HMGCLL1: variants seen among roughly 807,000 people sequenced by gnomAD.
HMGCLL1 encodes the protein 3-hydroxymethyl-3-methylglutaryl-CoA lyase, cytoplasmic.
HMGCLL1 carries 36 observed loss-of-function variants against 39.1 expected under a neutral mutation model. The ratio of observed to expected loss-of-function variants is 0.92; its 90% CI spans 0.71 to 1.22. HMGCLL1 has a LOEUF of 1.22. Among genes scored for constraint, HMGCLL1 ranks in the 50% most tolerant of loss-of-function variants. The pLI is 0.00. For missense variants in HMGCLL1, 451 were observed against 416.5 expected, an observed-to-expected ratio of 1.08 and a Z score of -0.72; for synonymous variants, 149 against 144.0, an observed-to-expected ratio of 1.03 and a Z score of -0.25.
chr6:55,630,989 C>T, the HMGCLL1 span, among the ~76,000 whole-genome samples: 4 of 151,992 alleles, frequency 2.6e-5, no homozygotes, highest in Non-Finnish European at 5.9e-5. Context: ...GAATCCTTTC[C>T]TTATCCTTGA....
chr6:55,659,245 C>T, the HMGCLL1 span, among the ~76,000 whole-genome samples: 1 of 151,830 alleles, frequency 6.6e-6, no homozygotes, highest in East Asian at 1.9e-4. Flanking sequence ...AAGCAAAAAA[C>T]CCCAGAAAAT....
At chr6:55,590,435 A>G in the HMGCLL1 span, among the ~76,000 whole-genome samples, 1 of 152,178 alleles carries the variant, frequency 6.6e-6, no homozygotes, top group Non-Finnish European at 1.5e-5. Context: ...TTAGACCTAA[A>G]ACCATAAAAG....
chr6:55,608,946 G>C, the HMGCLL1 span, among the ~76,000 whole-genome samples: 1 of 152,202 alleles, frequency 6.6e-6, no homozygotes, highest in Non-Finnish European at 1.5e-5. Context: ...GAGCAAGGTG[G>C]TGCGTGAGCC....
At position 55,487,211 on chromosome 6, in the gene HMGCLL1, T is replaced by A. The variant is rs146232644; in HGVS notation, c.795+8208A>T. ...TTCAGACCTTTTGTACTTTTTTTTT[T>A]ACAATTTGTGTGCCTTTTATTTATT... is the stretch of plus-strand genomic sequence containing the variant. On this transcript the variant is annotated intron_variant, in intron 7 of 8. Coordinates refer to ENST00000274901, the MANE Select transcript of HMGCLL1 (RefSeq NM_001042406.2). 5.8e-3 allele frequency among the ~76,000 whole-genome samples: 882 copies of A among 152,188 alleles called. 9 individuals carry two copies. The highest frequency in any genetic ancestry group is 0.019 in the African/African-American group (793 of 41,526).
the HMGCLL1 span, among the ~76,000 whole-genome samples, chr6:55,641,875 T>TA: frequency 9.5e-6 from 1 of 104,802 alleles, no homozygotes; most frequent in Non-Finnish European, 2.0e-5. Context: ...AATTTTTTTT[T>TA]ATTTTTATTT....
chr6:55,585,204 C>T, the HMGCLL1 span, among the ~76,000 whole-genome samples: 2 of 152,060 alleles, frequency 1.3e-5, no homozygotes, highest in Non-Finnish European at 2.9e-5. Context: ...TGATGAGTAC[C>T]TGGCAGCAAA....
At chr6:55,611,910 C>G in the HMGCLL1 span, among the ~76,000 whole-genome samples, 4 of 152,030 alleles carry the variant, frequency 2.6e-5, no homozygotes, top group African/African-American at 9.7e-5. Context: ...AAGGATGCCC[C>G]CTCTCACCAC....
the HMGCLL1 span, among the ~76,000 whole-genome samples, chr6:55,626,342 C>T: frequency 6.6e-6 from 1 of 152,110 alleles, no homozygotes; most frequent in Non-Finnish European, 1.5e-5. Context: ...AGCGCACTCA[C>T]TTTATGGCTA....
intron 3 of HMGCLL1, among the ~76,000 whole-genome samples, chr6:55,523,275 T>A (rs2127443133): frequency 6.6e-6 from 1 of 152,054 alleles, no homozygotes; most frequent in African/African-American, 2.4e-5. Flanking sequence ...AAGTCCTAGG[T>A]AAACAAGGAA....
At chr6:55,608,644 G>GAA in the HMGCLL1 span, among the ~76,000 whole-genome samples, 5 of 152,016 alleles carry the variant, frequency 3.3e-5, no homozygotes, top group Non-Finnish European at 7.4e-5. Flanking sequence ...TGAAAATTAA[G>GAA]AAAAAAGAAC....
At chr6:55,436,658 T>G (rs116678650) in intron 8 of HMGCLL1, among the ~76,000 whole-genome samples, 2,380 of 152,158 alleles carry the variant, frequency 0.016, 41 homozygotes, top group Non-Finnish European at 0.027. Flanking sequence ...TCCTTGCTAT[T>G]ATAAAGTACT....
chr6:55,439,179 T>G (rs759791015), intron 8 of HMGCLL1, among the ~76,000 whole-genome samples: 1 of 152,064 alleles, frequency 6.6e-6, no homozygotes, highest in Non-Finnish European at 1.5e-5. Context: ...AGATAATACA[T>G]GAAAAAGTTC....
At position 55,578,998 on chromosome 6, in the gene HMGCLL1, C is replaced by G; in HGVS notation, c.58G>C (p.Glu20Gln). The G allele has an allele frequency of 6.2e-7, 1 of 1,613,770 alleles. No individual in the cohort carries two copies. The highest frequency in any genetic ancestry group is 1.3e-5 in the African/African-American group (1 of 75,054). ...HCLSYQQLLR[E>Q]HLWIGDSVAG... ...ACTGAATCCCCGATCCAGAGATGCT[C>G]CCGGAGAAGCTGCTGGTAGCTGAGG... is the stretch of plus-strand genomic sequence containing the variant. The change falls in exon 1 of 9, where the codon GAG (glutamate) becomes CAG (glutamine). Residue 20 changes from glutamate to glutamine, a missense_variant. By Grantham distance (29) the Glu-to-Gln change is conservative. Coordinates refer to ENST00000274901, the MANE Select transcript of HMGCLL1 (RefSeq NM_001042406.2).
the HMGCLL1 span, among the ~76,000 whole-genome samples, chr6:55,669,000 C>A: frequency 6.6e-6 from 1 of 151,446 alleles, no homozygotes; most frequent in Non-Finnish European, 1.5e-5. Context: ...GTCCTCCTAC[C>A]ACATGGCCTC....
chr6:55,474,182 G>A (rs934388023), intron 7 of HMGCLL1, among the ~76,000 whole-genome samples: 2 of 151,376 alleles, frequency 1.3e-5, no homozygotes, highest in South Asian at 4.1e-4. Flanking sequence ...AACGATTATT[G>A]CTTCAAATAT....
At chr6:55,543,443 GAT>G (rs773704271) in intron 1 of HMGCLL1, among the ~76,000 whole-genome samples, 4,942 of 15,868 alleles carry the variant, frequency 0.31, 231 homozygotes, top group East Asian at 0.42. Flanking sequence ...TATCATATAT[GAT>G]ATATATGATA....
At chr6:55,603,384 T>A in the HMGCLL1 span, among the ~76,000 whole-genome samples, 1 of 152,114 alleles carries the variant, frequency 6.6e-6, no homozygotes, top group Non-Finnish European at 1.5e-5. Flanking sequence ...AGTTAACAAA[T>A]TCCACTTTTT....
At chr6:55,491,466 A>C (rs1175022387) in intron 7 of HMGCLL1, among the ~76,000 whole-genome samples, 1 of 152,222 alleles carries the variant, frequency 6.6e-6, no homozygotes. Flanking sequence ...AAGGCACATT[A>C]AAGTTTATTA....
At position 55,532,808 on chromosome 6, in the gene HMGCLL1, AT is replaced by A; in HGVS notation, c.297+8920del. ...AAAGCAAGACTCTGTCTCAAACATA[AT>A]AATAATAATAATAATAATAATAATA... is the stretch of plus-strand genomic sequence containing the variant. On this transcript the variant is annotated intron_variant, in intron 3 of 8. Transcript: ENST00000274901. Among the ~76,000 whole-genome samples, 2 of 1,272 alleles carry A rather than the reference AT, an allele frequency of 1.6e-3. 1 individual carries two copies. The highest frequency in any genetic ancestry group is 0.021 in the Admixed American group (2 of 96). 0.8% of individuals were successfully genotyped at this position (1,272 alleles called of 152,430 possible). A position where few individuals can be genotyped will look rare whatever the true frequency, so the allele number is the denominator to read the frequency against.
Sources: allele counts gnomAD v4.1 joint callset (sites outside exome capture counted in the v4.1 genomes callset), GRCh38; gene constraint gnomAD v4.1.1; transcripts MANE v1.5; gene names NCBI Gene and HGNC (gene_info 2026-07-23, HGNC 2026-07-21).